The following VRK2 variants were observed in gnomAD, a reference collection of about 807,000 sequenced individuals.
VRK2 encodes serine/threonine-protein kinase VRK2.
Under a neutral mutation model 57.6 loss-of-function variants are expected in VRK2, and 60 were observed. That is an observed-to-expected ratio of 1.04 (90% CI 0.85 to 1.29). The LOEUF is 1.29. Among genes scored for constraint, VRK2 ranks in the 50% most tolerant of loss-of-function variants. VRK2 has a pLI of 0.00. For missense variants in VRK2, 705 were observed against 588.1 expected, an observed-to-expected ratio of 1.20 and a Z score of -2.06; for synonymous variants, 231 against 199.2, an observed-to-expected ratio of 1.16 and a Z score of -1.35.
At chr2:58,154,495 GATT>G (rs1434608697) in intron 12 of VRK2, among the ~76,000 whole-genome samples, 2 of 151,852 alleles carry the variant, frequency 1.3e-5, no homozygotes. Context: ...GGTGCAAACA[GATT>G]ATTAAATTGG....
intron 3 of VRK2, chr2:58,040,968 C>A: frequency 5.6e-6 from 5 of 895,324 alleles, no homozygotes; most frequent in Non-Finnish European, 6.7e-6. Flanking sequence ...GGTGTCAACT[C>A]TATTCTTATT....
intron 2 of VRK2, among the ~76,000 whole-genome samples, chr2:58,027,523 GT>G (rs1558547694): frequency 6.6e-6 from 1 of 152,134 alleles, no homozygotes; most frequent in Non-Finnish European, 1.5e-5. Context: ...CATGTTAGCA[GT>G]AGTAATGGAG....
At chr2:57,948,457 T>C (rs1671326595) in intron 1 of VRK2, among the ~76,000 whole-genome samples, 1 of 152,168 alleles carries the variant, frequency 6.6e-6, no homozygotes. Context: ...AATTTTTAGC[T>C]GTATCCAGTT....
At chr2:58,053,446 CAT>C (rs1676052089) in intron 2 of VRK2, among the ~76,000 whole-genome samples, 1 of 152,074 alleles carries the variant, frequency 6.6e-6, no homozygotes, top group African/African-American at 2.4e-5. Flanking sequence ...ACTTCAGAAA[CAT>C]AGAAGGAATC....
intron 1 of VRK2, among the ~76,000 whole-genome samples, chr2:57,983,013 C>A (rs1672479447): frequency 6.6e-6 from 1 of 152,210 alleles, no homozygotes. Flanking sequence ...TCATTCACCC[C>A]TTCCCTAGGA....
chr2:58,123,853 G>GA (rs74271857), intron 8 of VRK2, among the ~76,000 whole-genome samples: 263 of 134,660 alleles, frequency 2.0e-3, no homozygotes, highest in Non-Finnish European at 2.0e-3. Context: ...AGACCCCTCA[G>GA]AAAAAAAAAA....
chr2:58,145,032 G>A (rs1013480640), intron 11 of VRK2, among the ~76,000 whole-genome samples: 38 of 152,026 alleles, frequency 2.5e-4, no homozygotes, highest in African/African-American at 8.7e-4. Flanking sequence ...TTTCCCCTTT[G>A]TGCTGTTCCT....
intron 12 of VRK2, among the ~76,000 whole-genome samples, chr2:58,149,849 G>C (rs1682721396): frequency 6.6e-6 from 1 of 151,398 alleles, no homozygotes; most frequent in African/African-American, 2.4e-5. Flanking sequence ...TTATTTCTGG[G>C]ATAAACCTCC....
At chr2:58,152,411 C>T (rs1053417274) in intron 12 of VRK2, among the ~76,000 whole-genome samples, 2 of 151,618 alleles carry the variant, frequency 1.3e-5, no homozygotes, top group African/African-American at 4.8e-5. Flanking sequence ...TGTTGTTATA[C>T]GTTTTGCTTT....
At chr2:58,015,314 A>G (rs150742509) in intron 1 of VRK2, among the ~76,000 whole-genome samples, 30 of 152,176 alleles carry the variant, frequency 2.0e-4, no homozygotes, top group Non-Finnish European at 3.4e-4. Context: ...ATTAATTAAC[A>G]TTGTTAATAT....
intron 5 of VRK2, 45 bp downstream of exon 5, chr2:58,086,471 C>T (rs1671639958): frequency 2.0e-6 from 3 of 1,486,848 alleles, no homozygotes; most frequent in African/African-American, 2.9e-5. Context: ...ATAACTATTC[C>T]TTATGTGGTC....
intron 10 of VRK2, among the ~76,000 whole-genome samples, chr2:58,138,623 G>A (rs1382216291): frequency 6.6e-6 from 1 of 152,144 alleles, no homozygotes; most frequent in Non-Finnish European, 1.5e-5. Context: ...TTTCTTTTGA[G>A]TGGAGGTAGG....
intron 1 of VRK2, among the ~76,000 whole-genome samples, chr2:57,971,261 C>T (rs1485656832): frequency 6.6e-6 from 1 of 152,010 alleles, no homozygotes; most frequent in South Asian, 2.1e-4. Flanking sequence ...ACATAGTACT[C>T]ACTTAGCAGT....
intron 1 of VRK2, among the ~76,000 whole-genome samples, chr2:57,917,709 C>T (rs1241851637): frequency 6.6e-6 from 1 of 151,294 alleles, no homozygotes; most frequent in East Asian, 1.9e-4. Flanking sequence ...TTTTTTTTGA[C>T]AAATGAAATG....
At chr2:58,080,221 T>A (rs1046220581) in intron 2 of VRK2, among the ~76,000 whole-genome samples, 1 of 152,024 alleles carries the variant, frequency 6.6e-6, no homozygotes, top group Non-Finnish European at 1.5e-5. Flanking sequence ...TGATTTCCAT[T>A]GTGATTTCCT....
At chr2:57,925,329 G>C (rs934923173) in intron 1 of VRK2, among the ~76,000 whole-genome samples, 1 of 151,970 alleles carries the variant, frequency 6.6e-6, no homozygotes, top group African/African-American at 2.4e-5. Flanking sequence ...GCTGCCATTG[G>C]GTTGTAGGCT....
Position 58,084,924 on chromosome 2 carries a change from A to G in VRK2, c.230A>G (p.Tyr77Cys). 1.3e-6 allele frequency: 2 copies of G among 1,591,694 alleles called. No individual in the cohort carries two copies. Among genetic ancestry groups the G allele is most frequent in the Non-Finnish European group, 1.7e-6 (2 of 1,169,546 alleles). Residue 77 changes from tyrosine (Y) to cysteine (C), a missense_variant, in exon 4 of 13, where the codon TAT becomes TGT. Transcript: ENST00000340157. ...NGPLFSELKF[Y>C]QRVAKKDCIK... ...CCGTTATTTTCAGAACTTAAATTTT[A>G]TCAGAGAGTTGCAAAAAAAGACTGT...
intron 3 of VRK2, among the ~76,000 whole-genome samples, chr2:58,037,147 G>A (rs1674301896): frequency 6.6e-6 from 1 of 151,806 alleles, no homozygotes; most frequent in Non-Finnish European, 1.5e-5. Flanking sequence ...TGTTGCCCAG[G>A]CTGATCTCCA....
intron 1 of VRK2, among the ~76,000 whole-genome samples, chr2:58,024,630 T>C (rs1157585563): frequency 1.3e-5 from 2 of 152,206 alleles, no homozygotes; most frequent in Non-Finnish European, 2.9e-5. Context: ...TATCCAACTT[T>C]ATTTCTAGCC....
Sources: gnomAD v4.1 joint callset for allele counts (sites outside exome capture counted in the v4.1 genomes callset) on GRCh38, gnomAD v4.1.1 for gene constraint, MANE v1.5 for transcripts, NCBI Gene and HGNC (gene_info 2026-07-23, HGNC 2026-07-21) for gene names.